The following GALNT6 variants were observed in gnomAD, a reference collection of about 807,000 sequenced individuals.
GALNT6 encodes the protein GalNAc transferase 6.
A neutral mutation model predicts 65.9 loss-of-function variants in GALNT6; 51 were observed. That is an observed-to-expected ratio of 0.77 (90% confidence interval 0.62 to 0.98). The LOEUF (loss-of-function observed/expected upper bound fraction) is 0.98. Ranked by LOEUF, GALNT6 falls within the 50% of genes least tolerant of loss-of-function variation. GALNT6 has a pLI of 0.00. For synonymous variants in GALNT6, 323 were observed against 315.1 expected, an observed-to-expected ratio of 1.02 and a Z score of -0.26; for missense variants, 708 against 803.3, an observed-to-expected ratio of 0.88 and a Z score of 1.43.
intron 6 of GALNT6, 23 bp downstream of exon 6, chr12:51,364,098 G>A: frequency 6.5e-7 from 1 of 1,536,638 alleles, no homozygotes. Flanking sequence ...CAGGTTGGGG[G>A]CTCACCAGGC....
At chr12:51,389,538 C>G (rs1947956718) in intron 2 of GALNT6, among the ~76,000 whole-genome samples, 1 of 152,214 alleles carries the variant, frequency 6.6e-6, no homozygotes, top group African/African-American at 2.4e-5. Flanking sequence ...TTTGCCAAAA[C>G]ACTTCATATA....
At position 51,352,200 on chromosome 12, in the gene GALNT6, A is replaced by G. The variant is rs1380879526; in HGVS notation, c.*2179T>C. 6.6e-6 allele frequency: 1 copy of G among 152,294 alleles called. No individual in the cohort carries two copies. Among genetic ancestry groups the G allele is most frequent in the Non-Finnish European group, 1.5e-5 (1 of 68,082 alleles). 9.4% of individuals were successfully genotyped at this position (152,294 alleles called of 1,614,324 possible). On this transcript the variant is annotated 3_prime_UTR_variant, in exon 12 of 12. Transcript: ENST00000356317. The stretch of plus-strand genomic sequence containing the variant: ...ATGCTCTTCTTCCAGCAAAAGAGCC[A>G]TGTGCAGTCGGGTCTGCTCCCCATG...
At position 51,379,400 on chromosome 12, in the gene GALNT6, G is replaced by A. The variant is rs941918492; in HGVS notation, c.382C>T (p.Leu128=). 16 of 1,604,714 alleles carry A rather than the reference G, an allele frequency of 1.0e-5. No homozygotes were observed. Among genetic ancestry groups the A allele is most frequent in the East Asian group, 8.9e-5 (4 of 44,816 alleles). The stretch of plus-strand genomic sequence containing the variant: ...CCTTCTTCCTTTTCCTGGGTCTCCA[G>A]GGGGGTCCACTTGCTCTTCTGAAAT... The part of the protein sequence containing the change: ...KAFQKSKWTP[L]ETQEKEEGYK... The change falls in exon 3 of 12, where the codon CTG becomes TTG. Residue 128 remains leucine, a synonymous_variant. Coordinates refer to ENST00000356317, the MANE Select transcript of GALNT6 (RefSeq NM_007210.4).
Position 51,366,593 on chromosome 12 carries a change from A to C in GALNT6, c.665-1014T>G, listed in dbSNP as rs74970276. Among the ~76,000 whole-genome samples, 1,362 of 152,236 alleles carry C rather than the reference A, an allele frequency of 8.9e-3. 7 individuals are homozygous for C. The highest frequency in any genetic ancestry group is 0.014 in the Non-Finnish European group (978 of 68,010). ...GCCGGCTTGACCATTTGTCCTAAGGAACAAACCACCCAGAAGCAAGGCTGA... is the reference window on the plus strand; with the variant it reads ...GCCGGCTTGACCATTTGTCCTAAGGCACAAACCACCCAGAAGCAAGGCTGA... On this transcript the variant is annotated intron_variant, in intron 4 of 11. Transcript: ENST00000356317.
chr12:51,385,530 C>T (rs773712842), intron 2 of GALNT6, among the ~76,000 whole-genome samples: 10 of 152,066 alleles, frequency 6.6e-5, no homozygotes, highest in East Asian at 1.9e-4. Context: ...ACACAGGTAC[C>T]GGGTCTCGCT....
In GALNT6 at chr12:51,352,244, C is replaced by G. The variant is rs1160674359; in HGVS notation, c.*2135G>C. ...CCCCATGGGGGCTTTGATGTGGGCC[C>G]AGCAGTGGATCAGCCTTCCAGACAC... On this transcript the variant is annotated 3_prime_UTR_variant, in exon 12 of 12. Transcript: ENST00000356317. 1 of 152,328 alleles carries G rather than the reference C, an allele frequency of 6.6e-6. No individual in the cohort carries two copies. 9.4% of individuals were successfully genotyped at this position (152,328 alleles called of 1,614,324 possible).
At chr12:51,359,563 G>A in intron 7 of GALNT6, 1 of 423,190 alleles carries the variant, frequency 2.4e-6, no homozygotes, top group Non-Finnish European at 4.2e-6. Context: ...CAGGGAGACT[G>A]CAGGGTCCTG....
intron 6 of GALNT6, among the ~76,000 whole-genome samples, chr12:51,362,608 G>T (rs1426905491): frequency 2.6e-5 from 4 of 151,166 alleles, no homozygotes; most frequent in Admixed American, 1.3e-4. Flanking sequence ...CTTTCTGACT[G>T]TGCTGCTGTG....
At chr12:51,374,937 A>G (rs191119206) in intron 4 of GALNT6, among the ~76,000 whole-genome samples, 1 of 152,306 alleles carries the variant, frequency 6.6e-6, no homozygotes, top group African/African-American at 2.4e-5. Context: ...TGCTTTTAGC[A>G]TGACATGAAT....
At chr12:51,385,214 C>A (rs1188874300) in intron 2 of GALNT6, among the ~76,000 whole-genome samples, 1 of 152,126 alleles carries the variant, frequency 6.6e-6, no homozygotes, top group Non-Finnish European at 1.5e-5. Context: ...GTCTTCAACT[C>A]CTAGGCCGAA....
Position 51,387,953 on chromosome 12 carries a change from C to T in GALNT6, c.-104+2897G>A, listed in dbSNP as rs930991285. 6.6e-6 allele frequency among the ~76,000 whole-genome samples: 1 copy of T among 152,180 alleles called. No individual in the cohort carries two copies. Among genetic ancestry groups the T allele is most frequent in the South Asian group, 2.1e-4 (1 of 4,832 alleles). On this transcript the variant is annotated intron_variant, in intron 2 of 11. Coordinates refer to ENST00000356317, the MANE Select transcript of GALNT6 (RefSeq NM_007210.4). The surrounding 1 kb of genome is among the most constrained non-coding windows in gnomAD (Gnocchi z 4.2). ...TGCTCTTGGCTGCAGAACTTTCACC[C>T]GGGGCCACTGGCTACTCAATGTACC...
At position 51,380,443 on chromosome 12, in the gene GALNT6, G is replaced by A. The variant is rs762864036; in HGVS notation, c.-103-559C>T. Among the ~76,000 whole-genome samples, 11 of 152,298 alleles carry A rather than the reference G, an allele frequency of 7.2e-5. No individual in the cohort carries two copies. In the South Asian group the frequency reaches 2.1e-3, roughly 29 times the overall value. Reference sequence around the variant, plus strand: ...GAACCACTTCTCCATGCAACAATGTGGATGTGTTGTTGGGTGAAAAAAGCA... The same window carrying A: ...GAACCACTTCTCCATGCAACAATGTAGATGTGTTGTTGGGTGAAAAAAGCA... On this transcript the variant is annotated intron_variant, in intron 2 of 11. Transcript: ENST00000356317.
In GALNT6 at chr12:51,379,750, A is replaced by G; in HGVS notation, c.32T>C (p.Leu11Pro). The G allele has an allele frequency of 6.2e-7, 1 of 1,611,424 alleles. No homozygotes were observed. The highest frequency in any genetic ancestry group is 8.5e-7 in the Non-Finnish European group (1 of 1,179,810). MRLLRRRHMP[L>P]RLAMVGCAFV... The stretch of plus-strand genomic sequence containing the variant: ...GGCGCAGCCCACCATGGCCAGGCGC[A>G]GGGGCATGTGGCGTCTGCGGAGGAG... The change falls in exon 3 of 12, where the codon CTG becomes CCG. Residue 11 changes from leucine (L) to proline (P), a missense_variant. By Grantham distance (98) the Leu-to-Pro change is moderately conservative (BLOSUM62 -3). Coordinates refer to ENST00000356317, the MANE Select transcript of GALNT6 (RefSeq NM_007210.4).
chr12:51,357,526 C>A, intron 9 of GALNT6, 76 bp from the exon 10 acceptor site: 3 of 959,142 alleles, frequency 3.1e-6, no homozygotes, highest in Non-Finnish European at 5.1e-6. Context: ...TGGGGCCCCA[C>A]TGGAACAAAT....
intron 2 of GALNT6, among the ~76,000 whole-genome samples, chr12:51,382,990 A>C (rs1947720866): frequency 6.6e-6 from 1 of 152,222 alleles, no homozygotes; most frequent in African/African-American, 2.4e-5. Context: ...ACCAGGGGAG[A>C]TTCAGGAGCA....
intron 4 of GALNT6, among the ~76,000 whole-genome samples, chr12:51,369,184 C>T (rs1565722214): frequency 1.3e-5 from 2 of 152,196 alleles, no homozygotes; most frequent in Non-Finnish European, 2.9e-5. Context: ...GACAGTGAAG[C>T]ACTGAGCTGT....
At chr12:51,355,618 G>A (rs1258516826) in intron 11 of GALNT6, among the ~76,000 whole-genome samples, 188 bp downstream of exon 11, 1 of 152,052 alleles carries the variant, frequency 6.6e-6, no homozygotes, top group Non-Finnish European at 1.5e-5. Flanking sequence ...TATAGGCGCC[G>A]ACCACTATGC....
chr12:51,351,713 T>C lies in GALNT6; in HGVS notation c.*2666A>G, dbSNP rs1946617394. ...TCGTTTGACGTCTCACGTCTCCACG[T>C]GCTTGACACAATACATAAGCTAGAT... On this transcript the variant is annotated 3_prime_UTR_variant, in exon 12 of 12. Coordinates refer to ENST00000356317, the MANE Select transcript of GALNT6 (RefSeq NM_007210.4). 3 of 152,234 alleles carry C rather than the reference T, an allele frequency of 2.0e-5. No individual in the cohort carries two copies. The South Asian group carries it at 6.2e-4, about 32-fold the overall frequency. 9.4% of individuals were successfully genotyped at this position (152,234 alleles called of 1,614,324 possible).
At chr12:51,379,036 A>T (rs895890104) in intron 3 of GALNT6, among the ~76,000 whole-genome samples, 1 of 151,926 alleles carries the variant, frequency 6.6e-6, no homozygotes, top group African/African-American at 2.4e-5. Context: ...CTTCCACATC[A>T]TCTCACTTTC....
Sources: gnomAD v4.1 joint callset for allele counts (sites outside exome capture counted in the v4.1 genomes callset) on GRCh38, gnomAD v4.1.1 for gene constraint, Gnocchi (gnomAD v3.1) non-coding constraint, MANE v1.5 for transcripts, NCBI Gene and HGNC (gene_info 2026-07-23, HGNC 2026-07-21) for gene names.